Variants in GBE1 observed in about 807,000 individuals in gnomAD.
GBE1 encodes 1,4-alpha-glucan branching enzyme 1, also known as 1,4-alpha-glucan-branching enzyme.
A neutral mutation model predicts 88.8 loss-of-function variants in GBE1; 70 were observed. The observed-to-expected ratio is 0.79, with a 90% confidence interval of 0.65 to 0.96. The LOEUF is 0.96. Among genes scored for constraint, GBE1 ranks in the 40% least tolerant of loss-of-function variants. The probability of loss-of-function intolerance (pLI) is 0.00; values close to 1 mark genes in which losing one functional copy is unlikely to be tolerated. For missense variants in GBE1, 872 were observed against 871.0 expected (o/e 1.00, Z -0.01); for synonymous variants, 284 against 300.1 (o/e 0.95, Z 0.56).
intron 2 of GBE1, among the ~76,000 whole-genome samples, chr3:81,697,921 G>A (rs1705625047): frequency 6.6e-6 from 1 of 150,976 alleles, no homozygotes; most frequent in African/African-American, 2.4e-5. Flanking sequence ...ATGAACCATG[G>A]ATAAAAACCT....
chr3:81,561,403 T>C (rs536755504), intron 12 of GBE1, among the ~76,000 whole-genome samples: 7 of 152,046 alleles, frequency 4.6e-5, no homozygotes, highest in Non-Finnish European at 7.4e-5. Context: ...CATGATAAGT[T>C]AGGCAGAGTT....
At chr3:81,572,349 A>G (rs2106925475) in intron 12 of GBE1, among the ~76,000 whole-genome samples, 1 of 152,324 alleles carries the variant, frequency 6.6e-6, no homozygotes, top group South Asian at 2.1e-4. Context: ...TTAGCTGTCC[A>G]GTATAACTTT....
At chr3:81,650,980 T>C (rs1178281825) in intron 3 of GBE1, among the ~76,000 whole-genome samples, 1 of 152,172 alleles carries the variant, frequency 6.6e-6, no homozygotes, top group African/African-American at 2.4e-5. Context: ...CAGGCTGAAA[T>C]TGTAGCTTTT....
chr3:81,516,482 T>C (rs79638842), intron 14 of GBE1, among the ~76,000 whole-genome samples: 2 of 151,536 alleles, frequency 1.3e-5, no homozygotes, highest in Non-Finnish European at 3.0e-5. Context: ...CTGACTGAGA[T>C]GTACAAGGAA....
At chr3:81,670,989 G>T in intron 2 of GBE1, 36 bp from the exon 3 acceptor site, 1 of 967,158 alleles carries the variant, frequency 1.0e-6, no homozygotes, top group Non-Finnish European at 1.5e-6. Flanking sequence ...ACAACAGCAT[G>T]ATAGGACTAA....
At chr3:81,519,673 T>C (rs1188946695) in intron 14 of GBE1, among the ~76,000 whole-genome samples, 8 of 151,252 alleles carry the variant, frequency 5.3e-5, no homozygotes, top group Non-Finnish European at 1.2e-4. Context: ...CCATGACACA[T>C]TCATATTCTA....
At chr3:81,669,967 A>T (rs115357900) in intron 3 of GBE1, among the ~76,000 whole-genome samples, 3,353 of 152,304 alleles carry the variant, frequency 0.022, 44 homozygotes, top group Middle Eastern at 0.034. Flanking sequence ...ACTCTGAGTT[A>T]ATATTGTTAA....
intron 1 of GBE1, among the ~76,000 whole-genome samples, chr3:81,726,012 CT>C (rs1559700203): frequency 6.6e-6 from 1 of 151,710 alleles, no homozygotes; most frequent in Admixed American, 6.6e-5. Context: ...CAACATATTT[CT>C]TCTTAATAAA....
rs957517092 is a variant in GBE1 at position 81,650,733 on chromosome 3, C to T, written c.430-812G>A. On this transcript the variant is annotated intron_variant, in intron 3 of 15. Coordinates refer to ENST00000429644, the MANE Select transcript of GBE1 (RefSeq NM_000158.4). ...CAGGTGGAGCACAGTGGTGCGATCGCAGCTCACTGCAGCCTCAACCTCACA... is the reference window on the plus strand; with the variant it reads ...CAGGTGGAGCACAGTGGTGCGATCGTAGCTCACTGCAGCCTCAACCTCACA... Among the ~76,000 whole-genome samples, 4 of 152,188 alleles carry T rather than the reference C, an allele frequency of 2.6e-5. No individual in the cohort carries two copies. In the East Asian group the frequency reaches 7.7e-4, roughly 29 times the overall value.
At chr3:81,558,639 G>GT (rs1703380162) in intron 12 of GBE1, among the ~76,000 whole-genome samples, 1 of 152,034 alleles carries the variant, frequency 6.6e-6, no homozygotes, top group Admixed American at 6.6e-5. Context: ...CAAGTCTTGT[G>GT]TGTACCCAAG....
intron 1 of GBE1, among the ~76,000 whole-genome samples, chr3:81,726,197 C>A (rs747860365): frequency 6.7e-6 from 1 of 149,978 alleles, no homozygotes; most frequent in African/African-American, 2.5e-5. Context: ...AACAATACAT[C>A]CCCCTTCAAT....
intron 7 of GBE1, among the ~76,000 whole-genome samples, chr3:81,642,116 C>G (rs1342623901): frequency 6.6e-6 from 1 of 151,776 alleles, no homozygotes; most frequent in Non-Finnish European, 1.5e-5. Context: ...TCACGTAAAA[C>G]ACTCTTCTCC....
intron 2 of GBE1, among the ~76,000 whole-genome samples, chr3:81,702,055 A>G (rs1358707007): frequency 6.6e-6 from 1 of 151,064 alleles, no homozygotes; most frequent in Non-Finnish European, 1.5e-5. Flanking sequence ...TTATGTTAAT[A>G]AGGGAAAAAT....
rs1350302439 is a variant in GBE1 at position 81,590,577 on chromosome 3, TGA to T, written c.1236+458_1236+459del. 2.0e-5 allele frequency among the ~76,000 whole-genome samples: 3 copies of T among 152,016 alleles called. No homozygotes were observed. The East Asian group carries it at 5.8e-4, about 29-fold the overall frequency. On this transcript the variant is annotated intron_variant, in intron 9 of 15. Transcript: ENST00000429644. Reference sequence around the variant, plus strand: ...AATAACTAGTGAACATTTGGCAATCTGAGAGCAATAACATAAACAAGAAAGGT... The same window carrying T: ...AATAACTAGTGAACATTTGGCAATCTGAGCAATAACATAAACAAGAAAGGT...
rs576177754 is a variant in GBE1, at chr3:81,600,814, G to A, written c.993-6791C>T. ...AAAAATGGATAAGCATTTTAGAGAGGAGATGAACTGGGAAAAACTAGCTGT... is the reference window on the plus strand; with the variant it reads ...AAAAATGGATAAGCATTTTAGAGAGAAGATGAACTGGGAAAAACTAGCTGT... On this transcript the variant is annotated intron_variant, in intron 7 of 15. Transcript: ENST00000429644. Among the ~76,000 whole-genome samples, 19 of 152,210 alleles carry A rather than the reference G, an allele frequency of 1.2e-4. No individual in the cohort carries two copies. The South Asian group carries it at 2.3e-3, about 18-fold the overall frequency.
chr3:81,704,038 C>G (rs1705737787), intron 2 of GBE1, among the ~76,000 whole-genome samples: 1 of 151,796 alleles, frequency 6.6e-6, no homozygotes, highest in Non-Finnish European at 1.5e-5. Flanking sequence ...TGAAAACTTA[C>G]CATCTTAATT....
chr3:81,697,292 A>C (rs1352358604), intron 2 of GBE1, among the ~76,000 whole-genome samples: 4 of 151,394 alleles, frequency 2.6e-5, no homozygotes, highest in Admixed American at 2.0e-4. Flanking sequence ...GAGAAAGGGC[A>C]GACAACATCT....
chr3:81,539,230 A>G (rs551071513), intron 12 of GBE1, among the ~76,000 whole-genome samples: 1 of 152,124 alleles, frequency 6.6e-6, no homozygotes, highest in African/African-American at 2.4e-5. Flanking sequence ...GCACAAGTAA[A>G]TTCTATGGAA....
At chr3:81,750,585 ATACGTATATATATATG>A (rs1706494138) in intron 1 of GBE1, among the ~76,000 whole-genome samples, 1 of 54,046 alleles carries the variant, frequency 1.9e-5, no homozygotes, top group Non-Finnish European at 3.3e-5. Flanking sequence ...ACGTATATAT[ATACGTATATATATATG>A]TGTATATATA....
Sources: gnomAD v4.1 joint callset for allele counts (sites outside exome capture counted in the v4.1 genomes callset) on GRCh38, gnomAD v4.1.1 for gene constraint, MANE v1.5 for transcripts, NCBI Gene and HGNC (gene_info 2026-07-23, HGNC 2026-07-21) for gene names.